The following ASIC2 variants were observed in gnomAD, a reference collection of about 807,000 sequenced individuals.
The protein encoded by ASIC2 is acid sensing ion channel subunit 2.
A neutral mutation model predicts 57.3 loss-of-function variants in ASIC2; 25 were observed. The ratio of observed to expected loss-of-function variants is 0.44; its 90% confidence interval spans 0.32 to 0.61. The LOEUF (loss-of-function observed/expected upper bound fraction) is 0.61, where lower values mean the gene tolerates loss of function less well. Ranked by LOEUF, ASIC2 falls within the 20% of genes least tolerant of loss-of-function variation. The pLI, the probability that ASIC2 is intolerant of heterozygous loss-of-function variation, is 0.06. For synonymous variants in ASIC2, 319 were observed against 307.5 expected (o/e 1.04, Z -0.39); for missense variants, 641 against 738.1 (o/e 0.87, Z 1.52).
chr17:34,121,630 T>C (rs1911622634), intron 1 of ASIC2, among the ~76,000 whole-genome samples: 1 of 151,918 alleles, frequency 6.6e-6, no homozygotes, highest in Admixed American at 6.6e-5. Flanking sequence ...ATTAAGACCT[T>C]GAAATGTCAC....
chr17:33,283,493 T>C (rs1447145169), intron 1 of ASIC2, among the ~76,000 whole-genome samples: 1 of 152,178 alleles, frequency 6.6e-6, no homozygotes, highest in Non-Finnish European at 1.5e-5. Context: ...CAACCGTCCA[T>C]TGCCAACTGG....
rs1422275620 is a variant in ASIC2, at chr17:33,666,326, A to G, written c.555+489652T>C. ...GGAAACGTTAAAACAAAATTAAGAA[A>G]CGGGCAGAGTTTGGGGAGATTTTGA... On this transcript the variant is annotated intron_variant, in intron 1 of 9. Coordinates refer to the ASIC2 transcript ENST00000359872. Among the ~76,000 whole-genome samples the G allele has an allele frequency of 3.3e-5, 5 of 152,174 alleles. No individual in the cohort carries two copies. The East Asian group carries it at 7.7e-4, about 23-fold the overall frequency.
intron 1 of ASIC2, among the ~76,000 whole-genome samples, chr17:33,814,289 C>T (rs960441027): frequency 1.3e-5 from 2 of 152,138 alleles, no homozygotes; most frequent in African/African-American, 4.8e-5. Context: ...AAGTCACAGG[C>T]TACTTCCCGG....
intron 1 of ASIC2, among the ~76,000 whole-genome samples, chr17:34,083,460 G>C (rs571116996): frequency 6.6e-6 from 1 of 151,394 alleles, no homozygotes; most frequent in African/African-American, 2.4e-5. Flanking sequence ...CTTTGCTATT[G>C]TGAATAGTGC....
At chr17:33,830,241 G>C (rs1463292249) in intron 1 of ASIC2, among the ~76,000 whole-genome samples, 1 of 152,132 alleles carries the variant, frequency 6.6e-6, no homozygotes, top group Non-Finnish European at 1.5e-5. Context: ...CACCTCATCA[G>C]TAACTTGTAA....
intron 1 of ASIC2, among the ~76,000 whole-genome samples, chr17:33,578,641 A>G (rs1456774759): frequency 1.3e-5 from 2 of 152,026 alleles, no homozygotes; most frequent in Non-Finnish European, 2.9e-5. Flanking sequence ...CTATGTCATT[A>G]GACTCCATCT....
chr17:33,738,058 G>A (rs2142095675), intron 1 of ASIC2, among the ~76,000 whole-genome samples: 1 of 152,342 alleles, frequency 6.6e-6, no homozygotes, highest in East Asian at 1.9e-4. Context: ...ATGGCAATTA[G>A]TATATAAAAG....
At chr17:33,510,224 T>C (rs1237731446) in intron 1 of ASIC2, among the ~76,000 whole-genome samples, 2 of 152,224 alleles carry the variant, frequency 1.3e-5, no homozygotes, top group Non-Finnish European at 2.9e-5. Context: ...GAGCTAAATC[T>C]GACCTGTGGA....
intron 1 of ASIC2, among the ~76,000 whole-genome samples, chr17:33,855,054 G>A (rs1913884059): frequency 6.6e-6 from 1 of 152,204 alleles, no homozygotes; most frequent in Admixed American, 6.5e-5. Flanking sequence ...GGGGATGGAA[G>A]GGCATGCCGG....
At chr17:33,464,879 C>T (rs917694118) in intron 1 of ASIC2, among the ~76,000 whole-genome samples, 1 of 151,916 alleles carries the variant, frequency 6.6e-6, no homozygotes, top group Non-Finnish European at 1.5e-5. Context: ...GTCCTTGACT[C>T]AGGACTTTTC....
intron 1 of ASIC2, among the ~76,000 whole-genome samples, chr17:33,606,670 C>G (rs911649213): frequency 1.3e-5 from 2 of 152,078 alleles, no homozygotes; most frequent in African/African-American, 2.4e-5. Context: ...ATCCTGGACA[C>G]CAAGAGCATA....
At chr17:33,072,826 C>T (rs530852532) in intron 3 of ASIC2, among the ~76,000 whole-genome samples, 1 of 152,314 alleles carries the variant, frequency 6.6e-6, no homozygotes, top group African/African-American at 2.4e-5. Context: ...AGCTTTCACT[C>T]CTGATCAATA....
chr17:33,187,289 A>C lies in ASIC2; in HGVS notation c.709-75222T>G, dbSNP rs150537894. ...GAATTGGATTATGAAGTTTTGCCTC[A>C]TCCGCCATATTCACCTGACCTCTCA... On this transcript the variant is annotated intron_variant, in intron 1 of 9. Coordinates refer to ENST00000225823, the MANE Select transcript of ASIC2 (RefSeq NM_183377.2). Among the ~76,000 whole-genome samples, 9 of 152,308 alleles carry C rather than the reference A, an allele frequency of 5.9e-5. No homozygotes were observed. The East Asian group carries it at 1.7e-3, about 29-fold the overall frequency.
intron 1 of ASIC2, among the ~76,000 whole-genome samples, chr17:33,781,432 AG>A (rs1479866073): frequency 6.6e-6 from 1 of 152,196 alleles, no homozygotes; most frequent in African/African-American, 2.4e-5. Flanking sequence ...GGGACAGCGC[AG>A]GATGATGGAG....
intron 1 of ASIC2, among the ~76,000 whole-genome samples, chr17:33,667,902 G>A (rs892202701): frequency 6.6e-6 from 1 of 152,186 alleles, no homozygotes; most frequent in African/African-American, 2.4e-5. Context: ...CAAATGGCCT[G>A]TTGCCACACA....
intron 1 of ASIC2, among the ~76,000 whole-genome samples, chr17:33,584,313 T>G (rs111596791): frequency 0.018 from 2,789 of 152,280 alleles, 82 homozygotes; most frequent in African/African-American, 0.061. Context: ...GAGCTGGGGC[T>G]GGAAGCTGGT....
chr17:33,904,429 A>G (rs955097514), intron 1 of ASIC2, among the ~76,000 whole-genome samples: 10 of 152,268 alleles, frequency 6.6e-5, no homozygotes, highest in Non-Finnish European at 1.3e-4. Context: ...ACTTAGAATT[A>G]CCTGGGGAAC....
At chr17:33,114,922 C>G (rs1243659514) in intron 1 of ASIC2, among the ~76,000 whole-genome samples, 1 of 152,168 alleles carries the variant, frequency 6.6e-6, no homozygotes, top group Admixed American at 6.5e-5. Context: ...TGCTAAGATC[C>G]CCCCATCTCT....
chr17:33,667,103 T>A (rs1907500120), intron 1 of ASIC2, among the ~76,000 whole-genome samples: 2 of 152,150 alleles, frequency 1.3e-5, no homozygotes, highest in Admixed American at 1.3e-4. Flanking sequence ...GCGGGTGAGA[T>A]GGCGTGAGTC....
Sources: allele counts gnomAD v4.1 joint callset (sites outside exome capture counted in the v4.1 genomes callset), GRCh38; gene constraint gnomAD v4.1.1; transcripts MANE v1.5; gene names NCBI Gene and HGNC (gene_info 2026-07-23, HGNC 2026-07-21).